The following PARD6B variants were observed in gnomAD, a reference collection of about 807,000 sequenced individuals.
The protein encoded by PARD6B is partitioning defective 6 homolog beta.
In PARD6B, 4 loss-of-function variants were observed where a neutral mutation model predicts 10.5. That is an observed-to-expected ratio of 0.38 (90% CI 0.19 to 0.87). The LOEUF is 0.87. Among genes scored for constraint, PARD6B ranks in the 40% least tolerant of loss-of-function variants. The pLI, the probability that PARD6B is intolerant of heterozygous loss-of-function variation, is 0.41. For synonymous variants in PARD6B, 169 were observed against 170.4 expected (o/e 0.99, Z 0.07); for missense variants, 396 against 470.6 (o/e 0.84, Z 1.47).
Position 50,740,249 on chromosome 20 carries a change from A to G in PARD6B, c.289+2170A>G, listed in dbSNP as rs537626987. Among the ~76,000 whole-genome samples, 708 of 152,332 alleles carry G rather than the reference A, an allele frequency of 4.6e-3. 2 individuals are homozygous for G. Among genetic ancestry groups the G allele is most frequent in the African/African-American group, 0.016 (657 of 41,564 alleles). ...GATAGAACCTTGGAAAGCTATATATAGAGTGCTGGAAAAGGAGGAAGAATT... is the reference window on the plus strand; with the variant it reads ...GATAGAACCTTGGAAAGCTATATATGGAGTGCTGGAAAAGGAGGAAGAATT... On this transcript the variant is annotated intron_variant, in intron 2 of 2. Transcript: ENST00000371610.
At chr20:50,732,874 AG>A (rs1214243067) in intron 1 of PARD6B, among the ~76,000 whole-genome samples, 27 of 150,058 alleles carry the variant, frequency 1.8e-4, no homozygotes, top group African/African-American at 6.1e-4. Flanking sequence ...GCCAAAACAC[AG>A]AAAAGGAGAA....
In PARD6B at chr20:50,752,602, C is replaced by T. The variant is rs995898949; in HGVS notation, c.*2114C>T. The T allele has an allele frequency of 2.0e-6, 2 of 981,940 alleles. No homozygotes were observed. The highest frequency in any genetic ancestry group is 2.3e-4 in the East Asian group (2 of 8,806). The allele number at this position is 981,940 out of a possible 1,614,324, so 60.8% of individuals were successfully genotyped here. On this transcript the variant is annotated 3_prime_UTR_variant, in exon 3 of 3. Coordinates refer to ENST00000371610, the MANE Select transcript of PARD6B (RefSeq NM_032521.3). ...AAAAATACTATGAAGTACATAAGTTCCCTATGGCTTATGGAGAGTTATTTA... is the reference window on the plus strand; with the variant it reads ...AAAAATACTATGAAGTACATAAGTTTCCTATGGCTTATGGAGAGTTATTTA...
In PARD6B at chr20:50,731,644, C is replaced by G. The variant is rs1314552617; in HGVS notation, c.-143C>G. ...GTGGAGCTCAGCGCGGACGCCGGAG[C>G]TGCGGCCGCCCCCTCTGCAGGTGCC... On this transcript the variant is annotated 5_prime_UTR_variant, in exon 1 of 3. Transcript: ENST00000371610. 1 of 571,254 alleles carries G rather than the reference C, an allele frequency of 1.8e-6. No individual in the cohort carries two copies. Among genetic ancestry groups the G allele is most frequent in the Non-Finnish European group, 2.8e-6 (1 of 358,258 alleles). 35.4% of individuals were successfully genotyped at this position (571,254 alleles called of 1,614,324 possible). A position where few individuals can be genotyped will look rare whatever the true frequency, so the allele number is the denominator to read the frequency against.
chr20:50,744,104 T>G (rs1290301062), intron 2 of PARD6B, among the ~76,000 whole-genome samples: 1 of 134,254 alleles, frequency 7.4e-6, no homozygotes, highest in Non-Finnish European at 1.6e-5. Context: ...TGAAGTAGCT[T>G]CTTTTTTTTT....
In PARD6B at chr20:50,750,466, A is replaced by G. The variant is rs41283608; in HGVS notation, c.1097A>G (p.Asp366Gly). 4.2e-4 allele frequency: 671 copies of G among 1,613,562 alleles called. 1 individual carries two copies. The highest frequency in any genetic ancestry group is 5.3e-4 in the Non-Finnish European group (625 of 1,179,688). ...CCAGATCAAAAACTCTTAGAAGAAG[A>G]TGGAACAATCATAACATTATGAAAC... Reference protein sequence around the residue: ...HAPDQKLLEEDGTIITL With the variant: ...HAPDQKLLEEGGTIITL The change falls in exon 3 of 3, where the codon GAT (aspartate) becomes GGT (glycine). Residue 366 changes from aspartate to glycine, a missense_variant. Physicochemically the swap from Asp to Gly is moderately conservative, Grantham distance 94 (BLOSUM62 -1). Coordinates refer to ENST00000371610, the MANE Select transcript of PARD6B (RefSeq NM_032521.3).
intron 2 of PARD6B, among the ~76,000 whole-genome samples, chr20:50,746,011 T>C (rs1290231057): frequency 2.0e-5 from 3 of 152,234 alleles, no homozygotes; most frequent in Non-Finnish European, 4.4e-5. Flanking sequence ...ATGGCTGTAC[T>C]ATAATGGTTG....
intron 2 of PARD6B, among the ~76,000 whole-genome samples, chr20:50,747,562 T>G (rs1043627498): frequency 1.3e-5 from 2 of 150,508 alleles, no homozygotes; most frequent in African/African-American, 4.9e-5. Context: ...TTGTTGTGTT[T>G]TTTTTTTAAT....
chr20:50,750,393 T>A lies in PARD6B; in HGVS notation c.1024T>A (p.Leu342Ile). The stretch of plus-strand genomic sequence containing the variant: ...CTTTATTCCCTCTAATGAAGTGAGC[T>A]TAGCAGCCATAGCAAGCAGCTCAAA... The part of the protein sequence containing the change: ...NGFIPSNEVS[L>I]AAIASSSNTE... Residue 342 changes from leucine (L) to isoleucine (I), a missense_variant, in exon 3 of 3, where the codon TTA (leucine) becomes ATA (isoleucine). Physicochemically the swap from Leu to Ile is conservative, Grantham distance 5. This residue lies in a region of PARD6B where 188 missense variants were observed against 169.7 expected (regional missense o/e 1.11). Transcript: ENST00000371610. 1 of 1,614,202 alleles carries A rather than the reference T, an allele frequency of 6.2e-7. No homozygotes were observed. Among genetic ancestry groups the A allele is most frequent in the Non-Finnish European group, 8.5e-7 (1 of 1,180,044 alleles).
chr20:50,750,976 T>A lies in PARD6B; in HGVS notation c.*488T>A. 1 of 493,724 alleles carries A rather than the reference T, an allele frequency of 2.0e-6. No individual in the cohort carries two copies. The highest frequency in any genetic ancestry group is 2.5e-6 in the Non-Finnish European group (1 of 404,518). The allele number at this position is 493,724 out of a possible 1,614,324, so 30.6% of individuals were successfully genotyped here. ...TTGATTTTTTTTTTTTTTTTTTTTT[T>A]TTTTTTTTTTAGTGACTGGGTCTCA... On this transcript the variant is annotated 3_prime_UTR_variant, in exon 3 of 3. Transcript: ENST00000371610.
At chr20:50,740,008 C>T (rs948853817) in intron 2 of PARD6B, among the ~76,000 whole-genome samples, 3 of 62,012 alleles carry the variant, frequency 4.8e-5, no homozygotes, top group Non-Finnish European at 6.8e-5. Flanking sequence ...ACAGCTGGGA[C>T]AGTGTCATGA....
At chr20:50,747,638 T>A (rs141150250) in intron 2 of PARD6B, among the ~76,000 whole-genome samples, 239 of 152,160 alleles carry the variant, frequency 1.6e-3, no homozygotes, top group Admixed American at 5.1e-3. Flanking sequence ...ATTTTAACTT[T>A]TGTTTCTGCT....
At chr20:50,745,658 C>A (rs543847612) in intron 2 of PARD6B, among the ~76,000 whole-genome samples, 3 of 152,240 alleles carry the variant, frequency 2.0e-5, no homozygotes, top group Admixed American at 2.0e-4. Context: ...AACAAACCAC[C>A]ATGCCCAGCT....
chr20:50,733,148 G>A (rs1438138297), intron 1 of PARD6B, among the ~76,000 whole-genome samples: 1 of 152,200 alleles, frequency 6.6e-6, no homozygotes, highest in Non-Finnish European at 1.5e-5. Flanking sequence ...GTCTGGGCGC[G>A]GTGGCTCACG....
Position 50,750,113 on chromosome 20 carries a change from G to A in PARD6B, c.744G>A (p.Pro248=), listed in dbSNP as rs753404506. 25 of 1,614,074 alleles carry A rather than the reference G, an allele frequency of 1.5e-5. No homozygotes were observed. Among genetic ancestry groups the A allele is most frequent in the East Asian group, 6.7e-5 (3 of 44,902 alleles). ...GTAACCTCATCATAACAGTGAGACC[G>A]GCAAACCAGAGGAATAATGTTGTGA... is the stretch of plus-strand genomic sequence containing the variant. ...NSRNLIITVR[P]ANQRNNVVRN... Residue 248 remains proline (P), a synonymous_variant, in exon 3 of 3, where the codon CCG becomes CCA. Transcript: ENST00000371610.
intron 1 of PARD6B, 90 bp downstream of exon 1, chr20:50,731,942 G>A (rs922802756): frequency 9.6e-6 from 11 of 1,144,524 alleles, no homozygotes; most frequent in Non-Finnish European, 1.1e-5. Flanking sequence ...CGGGGGAGGC[G>A]ACGGGCTGAG....
At chr20:50,749,452 T>A (rs1338437157) in intron 2 of PARD6B, among the ~76,000 whole-genome samples, 1 of 152,232 alleles carries the variant, frequency 6.6e-6, no homozygotes, top group African/African-American at 2.4e-5. Context: ...TATTTTGTGA[T>A]GTGTATTTGA....
Position 50,731,862 on chromosome 20 carries a change from G to A in PARD6B, c.66+10G>A. ...GGAGGTGAAGAGCAAGGTGCGCGGG[G>A]CCCGGGCTGGGCGGAGCGGCGGGCC... On this transcript the variant is annotated intron_variant, in intron 1 of 2. Coordinates refer to ENST00000371610, the MANE Select transcript of PARD6B (RefSeq NM_032521.3). 1 of 1,444,488 alleles carries A rather than the reference G, an allele frequency of 6.9e-7. No homozygotes were observed. Among genetic ancestry groups the A allele is most frequent in the Non-Finnish European group, 9.1e-7 (1 of 1,102,562 alleles). 89.5% of individuals were successfully genotyped at this position (1,444,488 alleles called of 1,614,324 possible). A position where few individuals can be genotyped will look rare whatever the true frequency, so the allele number is the denominator to read the frequency against.
chr20:50,735,772 C>T (rs758566851), intron 1 of PARD6B, among the ~76,000 whole-genome samples: 5 of 152,124 alleles, frequency 3.3e-5, no homozygotes, highest in Middle Eastern at 3.4e-3. Flanking sequence ...AAATATTGAG[C>T]GAAGAAATTT....
At chr20:50,747,343 A>G (rs1352021040) in intron 2 of PARD6B, among the ~76,000 whole-genome samples, 1 of 152,150 alleles carries the variant, frequency 6.6e-6, no homozygotes, top group East Asian at 1.9e-4. Context: ...TATGAGTTGA[A>G]GCGCTATACA....
Sources: allele counts gnomAD v4.1 joint callset (sites outside exome capture counted in the v4.1 genomes callset), GRCh38; gene constraint gnomAD v4.1.1; regional missense constraint gnomAD v4.1.1; transcripts MANE v1.5; gene names NCBI Gene and HGNC (gene_info 2026-07-23, HGNC 2026-07-21).